Variants in KCNH5 observed in about 807,000 individuals in gnomAD.
The protein encoded by KCNH5 is potassium voltage-gated channel subfamily H member 5, also known as voltage-gated delayed rectifier potassium channel KCNH5.
Under a neutral mutation model 96.1 loss-of-function variants are expected in KCNH5, and 46 were observed. That is an observed-to-expected ratio of 0.48 (90% CI 0.38 to 0.61). The LOEUF (loss-of-function observed/expected upper bound fraction) is 0.61, where lower values mean the gene tolerates loss of function less well. Ranked by LOEUF, KCNH5 falls within the 20% of genes least tolerant of loss-of-function variation. The pLI is 0.00. For missense variants in KCNH5, 907 were observed against 1,225.8 expected (o/e 0.74, Z 3.88); for synonymous variants, 439 against 449.8 (o/e 0.98, Z 0.30).
In KCNH5 at chr14:62,724,561, C is replaced by T. The variant is rs187557604; in HGVS notation, c.2020-16106G>A. On this transcript the variant is annotated intron_variant, in intron 10 of 10. Coordinates refer to ENST00000322893, the MANE Select transcript of KCNH5 (RefSeq NM_139318.5). ...CCAACTCTGCTGAAATTTCTATGGT[C>T]CTTAGTAGCAATTATAAATCTAGGA... is the stretch of plus-strand genomic sequence containing the variant. Among the ~76,000 whole-genome samples the T allele has an allele frequency of 1.7e-3, 257 of 152,284 alleles. 2 individuals are homozygous for T. Among genetic ancestry groups the T allele is most frequent in the African/African-American group, 6.1e-3 (252 of 41,550 alleles).
intron 1 of KCNH5, among the ~76,000 whole-genome samples, chr14:63,029,251 C>T (rs1201700121): frequency 1.3e-5 from 2 of 151,530 alleles, no homozygotes; most frequent in Non-Finnish European, 2.9e-5. Flanking sequence ...ACAAGGAGCC[C>T]TGACTCAAAT....
rs1422720048 is a variant in KCNH5 at position 62,855,954 on chromosome 14, C to G, written c.1370-6102G>C. 3.3e-5 allele frequency among the ~76,000 whole-genome samples: 5 copies of G among 152,282 alleles called. No individual in the cohort carries two copies. In the East Asian group the frequency reaches 7.7e-4, roughly 23 times the overall value. On this transcript the variant is annotated intron_variant, in intron 7 of 10. Transcript: ENST00000322893. ...AAAAGACAGACATAATCCCCACCCT[C>G]CAGTAGTATCCACTCCTCCCTATAG...
chr14:62,987,416 T>C (rs1890730760), intron 4 of KCNH5, among the ~76,000 whole-genome samples: 1 of 152,206 alleles, frequency 6.6e-6, no homozygotes, highest in African/African-American at 2.4e-5. Flanking sequence ...TGCCCATATC[T>C]GTGTATAGTC....
At chr14:62,777,136 AG>A (rs1295022577) in intron 10 of KCNH5, among the ~76,000 whole-genome samples, 3 of 152,258 alleles carry the variant, frequency 2.0e-5, no homozygotes, top group Non-Finnish European at 4.4e-5. Flanking sequence ...TTTCATTAAT[AG>A]ATCAATTGGA....
At chr14:62,771,223 G>C (rs1885978486) in intron 10 of KCNH5, among the ~76,000 whole-genome samples, 1 of 152,164 alleles carries the variant, frequency 6.6e-6, no homozygotes, top group African/African-American at 2.4e-5. Context: ...TCAGTCTATG[G>C]TATTTTGTGA....
chr14:62,783,177 A>C (rs1472070337), intron 9 of KCNH5, among the ~76,000 whole-genome samples: 1 of 152,202 alleles, frequency 6.6e-6, no homozygotes, highest in African/African-American at 2.4e-5. Context: ...CATTTTATGT[A>C]CCCCATCTCC....
intron 8 of KCNH5, among the ~76,000 whole-genome samples, chr14:62,844,602 T>C (rs1887653562): frequency 6.6e-6 from 1 of 152,212 alleles, no homozygotes; most frequent in African/African-American, 2.4e-5. Context: ...ATGATGGATT[T>C]GGCTATTAAA....
chr14:62,823,125 G>A (rs893028311), intron 8 of KCNH5, among the ~76,000 whole-genome samples: 1 of 151,464 alleles, frequency 6.6e-6, no homozygotes, highest in African/African-American at 2.4e-5. Context: ...CTCAAATTGT[G>A]ACCCTGGACT....
intron 10 of KCNH5, among the ~76,000 whole-genome samples, chr14:62,716,541 A>G (rs896482437): frequency 2.6e-5 from 4 of 152,124 alleles, no homozygotes; most frequent in African/African-American, 9.7e-5. Flanking sequence ...ATATTTGCAT[A>G]TACTGTTCCC....
At chr14:62,992,541 T>C (rs1956676) in intron 4 of KCNH5, among the ~76,000 whole-genome samples, 27,707 of 151,986 alleles carry the variant, frequency 0.18, 2,912 homozygotes, top group East Asian at 0.52. Context: ...TGGTATCTCA[T>C]TGTAGTTTTA....
intron 4 of KCNH5, 47 bp downstream of exon 4, chr14:63,001,284 T>C: frequency 6.5e-7 from 1 of 1,532,440 alleles, no homozygotes; most frequent in Non-Finnish European, 8.8e-7. Context: ...AGAAGATCTT[T>C]TAGCAACAGC....
intron 1 of KCNH5, among the ~76,000 whole-genome samples, chr14:63,044,698 T>G (rs911671416): frequency 1.3e-5 from 2 of 152,176 alleles, no homozygotes; most frequent in Non-Finnish European, 2.9e-5. Flanking sequence ...TCGCAGCCAT[T>G]CCCAACTTGA....
chr14:62,858,118 C>T (rs1887965437), intron 7 of KCNH5, among the ~76,000 whole-genome samples: 1 of 151,976 alleles, frequency 6.6e-6, no homozygotes, highest in Non-Finnish European at 1.5e-5. Context: ...TATATACATG[C>T]ACAAACACGT....
intron 6 of KCNH5, among the ~76,000 whole-genome samples, chr14:62,952,969 A>G (rs1175840383): frequency 3.3e-5 from 5 of 152,228 alleles, no homozygotes; most frequent in South Asian, 4.2e-4. Context: ...GCAATAAAAC[A>G]TTAGTAAATA....
chr14:62,828,845 A>G (rs1372270774), intron 8 of KCNH5, among the ~76,000 whole-genome samples: 2 of 152,122 alleles, frequency 1.3e-5, no homozygotes, highest in African/African-American at 4.8e-5. Flanking sequence ...GCATTAACCC[A>G]AAAACCCAAG....
At chr14:62,946,187 T>C (rs1889883377) in intron 7 of KCNH5, among the ~76,000 whole-genome samples, 1 of 152,090 alleles carries the variant, frequency 6.6e-6, no homozygotes, top group Non-Finnish European at 1.5e-5. Flanking sequence ...AGGTAAACCC[T>C]ACAGGCCATG....
At chr14:62,806,019 C>T (rs769917041) in intron 8 of KCNH5, among the ~76,000 whole-genome samples, 5 of 152,080 alleles carry the variant, frequency 3.3e-5, no homozygotes, top group African/African-American at 4.8e-5. Flanking sequence ...AGATACACCT[C>T]GTAAAGACCT....
intron 1 of KCNH5, among the ~76,000 whole-genome samples, chr14:63,036,936 G>A (rs1891732458): frequency 6.6e-6 from 1 of 152,108 alleles, no homozygotes; most frequent in African/African-American, 2.4e-5. Context: ...CGAGAAGAAT[G>A]CGCACTCATA....
intron 10 of KCNH5, among the ~76,000 whole-genome samples, chr14:62,772,039 A>G (rs1885998065): frequency 6.6e-6 from 1 of 152,124 alleles, no homozygotes; most frequent in South Asian, 2.1e-4. Flanking sequence ...TTCAGTTTAC[A>G]TTCTTCTTTT....
Sources: gnomAD v4.1 joint callset for allele counts (sites outside exome capture counted in the v4.1 genomes callset) on GRCh38, gnomAD v4.1.1 for gene constraint, MANE v1.5 for transcripts, NCBI Gene and HGNC (gene_info 2026-07-23, HGNC 2026-07-21) for gene names.